TNRC6C: variants seen among roughly 807,000 people sequenced by gnomAD.
TNRC6C encodes the protein trinucleotide repeat containing adaptor 6C, also known as trinucleotide repeat-containing gene 6C protein.
TNRC6C carries 20 observed loss-of-function variants against 153.7 expected under a neutral mutation model. That is an observed-to-expected ratio of 0.13 (90% CI 0.09 to 0.19). The LOEUF (loss-of-function observed/expected upper bound fraction) is 0.19. TNRC6C is among the 10% of genes least tolerant of loss of function. The pLI, the probability that TNRC6C is intolerant of heterozygous loss-of-function variation, is 1.00. For synonymous variants in TNRC6C, 811 were observed against 841.4 expected, an observed-to-expected ratio of 0.96 and a Z score of 0.63; for missense variants, 1,987 against 2,172.0, an observed-to-expected ratio of 0.91 and a Z score of 1.69.
At chr17:78,010,831 T>C (rs2071614594) in intron 1 of TNRC6C, among the ~76,000 whole-genome samples, 1 of 152,224 alleles carries the variant, frequency 6.6e-6, no homozygotes. Context: ...ATGAGACATT[T>C]TAAAAATATA....
chr17:78,043,581 T>C (rs1408066364), intron 2 of TNRC6C, among the ~76,000 whole-genome samples: 1 of 152,214 alleles, frequency 6.6e-6, no homozygotes, highest in African/African-American at 2.4e-5. Context: ...CAAATAATCC[T>C]ATTATACTCT....
chr17:78,077,054 C>T (rs2073097296), intron 8 of TNRC6C, 131 bp from the exon 11 acceptor site: 10 of 1,017,726 alleles, frequency 9.8e-6, no homozygotes, highest in Non-Finnish European at 1.3e-5. Flanking sequence ...GTTCTCCATT[C>T]CCTTATCCAC....
At chr17:77,972,936 G>A (rs2070950856) in intron 1 of TNRC6C, among the ~76,000 whole-genome samples, 1 of 152,066 alleles carries the variant, frequency 6.6e-6, no homozygotes, top group African/African-American at 2.4e-5. Flanking sequence ...ACAGAGTCTC[G>A]CAACTCTCTC....
At chr17:78,064,986 C>G in intron 4 of TNRC6C, 49 bp downstream of exon 6, 2 of 1,527,414 alleles carry the variant, frequency 1.3e-6, no homozygotes, top group Non-Finnish European at 1.8e-6. Context: ...GGAAATGACT[C>G]AAAGTATTGA....
intron 1 of TNRC6C, among the ~76,000 whole-genome samples, chr17:78,023,162 G>A (rs1236438701): frequency 6.6e-6 from 1 of 152,098 alleles, no homozygotes; most frequent in African/African-American, 2.4e-5. Flanking sequence ...TAACGTATGC[G>A]GGAGGATATG....
chr17:78,054,708 A>C (rs1292214834), intron 3 of TNRC6C, among the ~76,000 whole-genome samples: 3 of 152,032 alleles, frequency 2.0e-5, no homozygotes, highest in Admixed American at 2.0e-4. Context: ...ACTACTATAC[A>C]CCACTGCAGA....
upstream of TNRC6C, among the ~76,000 whole-genome samples, chr17:78,001,388 A>G (rs1487853074): frequency 1.3e-5 from 2 of 152,142 alleles, no homozygotes; most frequent in East Asian, 1.9e-4. Context: ...TGAAACACCA[A>G]TCGAAGGGAT....
exon 20 of TNRC6C, chr17:78,105,687 CTG>C (rs891919210): frequency 5.3e-5 from 8 of 152,194 alleles, no homozygotes; most frequent in African/African-American, 1.9e-4. Context: ...GTGCAGTTTT[CTG>C]TGTTTGTGTG....
intron 11 of TNRC6C, among the ~76,000 whole-genome samples, chr17:78,084,910 G>T (rs1315214335): frequency 6.6e-6 from 1 of 152,202 alleles, no homozygotes; most frequent in African/African-American, 2.4e-5. Flanking sequence ...GGGATTACAG[G>T]CGTGAGCCAC....
intron 1 of TNRC6C, among the ~76,000 whole-genome samples, chr17:77,971,287 C>G (rs563563496): frequency 6.6e-6 from 1 of 152,248 alleles, no homozygotes; most frequent in East Asian, 1.9e-4. Flanking sequence ...CTGTCTTTGC[C>G]AGATCAAATT....
At chr17:78,060,468 C>CTTTTTTTTT (rs975826787) in intron 3 of TNRC6C, among the ~76,000 whole-genome samples, 1 of 125,980 alleles carries the variant, frequency 7.9e-6, no homozygotes, top group Non-Finnish European at 1.7e-5. Context: ...AATCGTTTAT[C>CTTTTTTTTT]TTTTTTTTTT....
intron 16 of TNRC6C, chr17:78,097,840 G>T: frequency 6.5e-7 from 1 of 1,548,768 alleles, no homozygotes; most frequent in Non-Finnish European, 8.7e-7. Context: ...CAGCAGCATT[G>T]CATCCGCACC....
At chr17:78,007,752 T>C (rs544548688) in intron 1 of TNRC6C, among the ~76,000 whole-genome samples, 187 of 152,326 alleles carry the variant, frequency 1.2e-3, no homozygotes, top group African/African-American at 4.4e-3. Context: ...ATAAATTAGA[T>C]TGCATAATAT....
At position 78,049,463 on chromosome 17, in the gene TNRC6C, G is replaced by A. The variant is rs954814317; in HGVS notation, c.401G>A (p.Gly134Asp). 19 of 1,613,906 alleles carry A rather than the reference G, an allele frequency of 1.2e-5. No individual in the cohort carries two copies. The highest frequency in any genetic ancestry group is 6.7e-5 in the African/African-American group (5 of 74,926). ...ATTTGCAGTCCAGTCAGTGCCATAG[G>A]TCAAAATATGGGCAACCAGAACGGG... Residue 134 changes from glycine (G) to aspartate (D), a missense_variant, in exon 3 of 20, where the codon GGT (glycine) becomes GAT (aspartate). Coordinates refer to ENST00000301624, the Ensembl canonical transcript of TNRC6C. This position sits in a 1 kb window ranked among gnomAD's most constrained non-coding sequence, Gnocchi z 4.1.
chr17:77,975,560 A>G (rs1166032836), intron 1 of TNRC6C, among the ~76,000 whole-genome samples: 1 of 152,254 alleles, frequency 6.6e-6, no homozygotes, highest in Non-Finnish European at 1.5e-5. Flanking sequence ...TTTGTCATTC[A>G]TGTAGGAAGG....
rs941874579 is a variant in TNRC6C at position 78,028,905 on chromosome 17, A to G, written c.-545-2611A>G. On this transcript the variant is annotated intron_variant, in intron 1 of 19. Coordinates refer to ENST00000301624, the Ensembl canonical transcript of TNRC6C. ...TGTTTTGTGTACAAGATGAGGTGGG[A>G]CTGACTATTGAGGCGCCGACTCTTG... 4.6e-5 allele frequency among the ~76,000 whole-genome samples: 7 copies of G among 152,198 alleles called. No individual in the cohort carries two copies. The East Asian group carries it at 7.7e-4, about 17-fold the overall frequency.
At chr17:78,055,550 A>G (rs1213418957) in intron 3 of TNRC6C, among the ~76,000 whole-genome samples, 1 of 152,180 alleles carries the variant, frequency 6.6e-6, no homozygotes, top group East Asian at 1.9e-4. Context: ...TCCATTATAT[A>G]TAATCTTAGG....
chr17:77,976,960 A>T (rs1466139181), intron 1 of TNRC6C, among the ~76,000 whole-genome samples: 1 of 142,832 alleles, frequency 7.0e-6, no homozygotes, highest in Non-Finnish European at 1.5e-5. Context: ...AAAAAAAAAA[A>T]CTTGGTTTCC....
At position 78,079,604 on chromosome 17, in the gene TNRC6C, C is replaced by G; in HGVS notation, c.3357+63C>G. The G allele has an allele frequency of 6.4e-7, 1 of 1,566,694 alleles. No individual in the cohort carries two copies. Among genetic ancestry groups the G allele is most frequent in the South Asian group, 1.2e-5 (1 of 86,378 alleles). ...ATAGATGCCAGTGTTTCGTGGGGTC[C>G]TGTGTTATCTGGAAGTCACTATTTT... On this transcript the variant is annotated intron_variant, in intron 10 of 19. Transcript: ENST00000301624. This position sits in a 1 kb window ranked among gnomAD's most constrained non-coding sequence, Gnocchi z 4.3.
Sources: allele counts gnomAD v4.1 joint callset (sites outside exome capture counted in the v4.1 genomes callset), GRCh38; gene constraint gnomAD v4.1.1; non-coding constraint Gnocchi (gnomAD v3.1); transcripts MANE v1.5; gene names NCBI Gene and HGNC (gene_info 2026-07-23, HGNC 2026-07-21).